PHIP: variants seen among roughly 807,000 people sequenced by gnomAD.
The protein encoded by PHIP is PH-interacting protein.
Under a neutral mutation model 236.8 loss-of-function variants are expected in PHIP, and 54 were observed. The observed-to-expected ratio is 0.23, with a 90% CI of 0.18 to 0.29. The LOEUF (loss-of-function observed/expected upper bound fraction) is 0.29. Ranked by LOEUF, PHIP falls within the 10% of genes least tolerant of loss-of-function variation. The probability of loss-of-function intolerance (pLI) is 1.00; values close to 1 mark genes in which losing one functional copy is unlikely to be tolerated. For missense variants in PHIP, 1,370 were observed against 2,190.8 expected (o/e 0.63, Z 7.48); for synonymous variants, 756 against 718.9 (o/e 1.05, Z -0.83).
At chr6:78,947,598 A>T in intron 36 of PHIP, 25 bp downstream of exon 36, 4 of 1,179,524 alleles carry the variant, frequency 3.4e-6, no homozygotes, top group Non-Finnish European at 4.9e-6. Flanking sequence ...ATCTAGTCAT[A>T]AAAGAAAATA....
chr6:79,048,045 T>A (rs1772590905), intron 6 of PHIP, among the ~76,000 whole-genome samples: 1 of 151,774 alleles, frequency 6.6e-6, no homozygotes, highest in Non-Finnish European at 1.5e-5. Flanking sequence ...TGACTGACAG[T>A]CTATTTATAT....
chr6:79,017,451 A>G, intron 11 of PHIP, 32 bp downstream of exon 11: 3 of 1,580,254 alleles, frequency 1.9e-6, no homozygotes, highest in Non-Finnish European at 2.6e-6. Context: ...CACATAAATT[A>G]TACTCATCTA....
In PHIP at chr6:79,078,155, C is replaced by G. The variant is rs1774289999; in HGVS notation, c.-87G>C. 7.4e-7 allele frequency: 1 copy of G among 1,352,470 alleles called. No individual in the cohort carries two copies. Among genetic ancestry groups the G allele is most frequent in the Non-Finnish European group, 1.0e-6 (1 of 967,114 alleles). 83.8% of individuals were successfully genotyped at this position (1,352,470 alleles called of 1,614,324 possible). A position where few individuals can be genotyped will look rare whatever the true frequency, so the allele number is the denominator to read the frequency against. On this transcript the variant is annotated 5_prime_UTR_variant, in exon 1 of 40. Transcript: ENST00000275034. ...GTGCCGCCGCCTGCCCTATAGCTGTCAGTGTGTGTTCACGAGCCGAGCTTC... is the reference window on the plus strand; with the variant it reads ...GTGCCGCCGCCTGCCCTATAGCTGTGAGTGTGTGTTCACGAGCCGAGCTTC...
rs754726387 is a variant in PHIP at position 78,941,262 on chromosome 6, T to C, written c.4897A>G (p.Lys1633Glu). The part of the protein sequence containing the change: ...QVNGHGGQPS[K>E]LVKRGPGRKP... The stretch of plus-strand genomic sequence containing the variant: ...CTTCCAGGTCCCCTCTTCACAAGTT[T>C]TGATGGCTGTCCTCCATGGCCATTT... The change falls in exon 40 of 40, where the codon AAA becomes GAA. Residue 1633 changes from lysine to glutamate, a missense_variant. Physicochemically the swap from Lys to Glu is moderately conservative, Grantham distance 56. Around this residue, in one of 14 missense-constraint regions of PHIP, gnomAD observed 309 missense variants for 328.3 expected, o/e 0.94. Coordinates refer to ENST00000275034, the MANE Select transcript of PHIP (RefSeq NM_017934.7). The C allele has an allele frequency of 1.2e-6, 2 of 1,613,728 alleles. No homozygotes were observed. Among genetic ancestry groups the C allele is most frequent in the East Asian group, 4.5e-5 (2 of 44,864 alleles).
intron 6 of PHIP, among the ~76,000 whole-genome samples, chr6:79,047,794 C>T (rs564587013): frequency 6.6e-6 from 1 of 152,186 alleles, no homozygotes; most frequent in South Asian, 2.1e-4. Context: ...CAATAAACAT[C>T]TACTTACATT....
chr6:79,031,056 G>A (rs1056268306), intron 7 of PHIP, among the ~76,000 whole-genome samples: 2 of 152,012 alleles, frequency 1.3e-5, no homozygotes, highest in Non-Finnish European at 2.9e-5. Flanking sequence ...AGATTCTCCT[G>A]CCTCAGCCTC....
rs776965060 is a variant in PHIP, at chr6:79,025,645, ATCTT to A, written c.823-30_823-27del. ...CTGAAAAGACAATCACAGAAAAAAA[ATCTT>A]TACAAGAGTGACACAGTCAAAATAA... On this transcript the variant is annotated intron_variant, in intron 8 of 39. Transcript: ENST00000275034. 6.3e-6 allele frequency: 9 copies of A among 1,422,566 alleles called. No homozygotes were observed. The African/African-American group carries it at 1.1e-4, about 18-fold the overall frequency. The allele number at this position is 1,422,566 out of a possible 1,614,324, so 88.1% of individuals were successfully genotyped here. A position where few individuals can be genotyped will look rare whatever the true frequency, so the allele number is the denominator to read the frequency against.
chr6:79,056,501 A>G (rs1773080744), intron 6 of PHIP, among the ~76,000 whole-genome samples: 1 of 152,162 alleles, frequency 6.6e-6, no homozygotes, highest in South Asian at 2.1e-4. Flanking sequence ...ACATGGTAAT[A>G]TGTGCACTTC....
At chr6:78,984,871 G>A (rs548536118) in intron 22 of PHIP, among the ~76,000 whole-genome samples, 1 of 152,238 alleles carries the variant, frequency 6.6e-6, no homozygotes, top group East Asian at 1.9e-4. Flanking sequence ...GTTAGCCAAG[G>A]TCATAAGCTC....
rs1219891015 is a variant in PHIP at position 79,016,548 on chromosome 6, C to A, written c.1231G>T (p.Ala411Ser). 2 of 1,599,152 alleles carry A rather than the reference C, an allele frequency of 1.3e-6. No individual in the cohort carries two copies. The highest frequency in any genetic ancestry group is 2.7e-5 in the African/African-American group (2 of 74,626). ...SILLDMATRP[A>S]GQNLQGIEDK... ...ATTTCAAATTTGACCTCTTACCCTG[C>A]TGGACGAGTAGCCATATCCAACAAA... The change falls in exon 13 of 40, where the codon GCA becomes TCA. Residue 411 changes from alanine (A) to serine (S), a missense_variant. Ala to Ser is a moderately conservative substitution (Grantham distance 99, BLOSUM62 1). Transcript: ENST00000275034.
chr6:78,997,359 A>T, intron 19 of PHIP, 55 bp downstream of exon 19: 3 of 1,492,386 alleles, frequency 2.0e-6, no homozygotes, highest in Non-Finnish European at 2.8e-6. Context: ...AATGCTGTTA[A>T]CTCCAAAATG....
At chr6:79,015,806 CACTG>C (rs1770808649) in intron 13 of PHIP, 23 bp from the exon 14 acceptor site, 1 of 1,581,106 alleles carries the variant, frequency 6.3e-7, no homozygotes, top group Non-Finnish European at 8.6e-7. Context: ...AAGTGTTTTA[CACTG>C]ACTATTAAAA....
rs533980824 is a variant in PHIP, at chr6:78,968,403, C to T, written c.3205+1432G>A. ...ATTTGGCCCTCTGTATTGGCAGATT[C>T]TGCATCAGCAACCAAATGCAGATTG... On this transcript the variant is annotated intron_variant, in intron 27 of 39. Coordinates refer to ENST00000275034, the MANE Select transcript of PHIP (RefSeq NM_017934.7). 1.6e-4 allele frequency among the ~76,000 whole-genome samples: 24 copies of T among 152,270 alleles called. No homozygotes were observed. The South Asian group carries it at 4.6e-3, about 29-fold the overall frequency.
chr6:78,999,894 G>A (rs562821520), intron 17 of PHIP, among the ~76,000 whole-genome samples: 2 of 152,086 alleles, frequency 1.3e-5, no homozygotes, highest in African/African-American at 4.8e-5. Context: ...AAGTTCAAAT[G>A]TCTTATACTT....
At chr6:78,995,084 T>C (rs1470606738) in intron 19 of PHIP, among the ~76,000 whole-genome samples, 5 of 152,216 alleles carry the variant, frequency 3.3e-5, no homozygotes, top group African/African-American at 4.8e-5. Context: ...TCCATTCCTA[T>C]ACCCTTGTCA....
chr6:78,977,677 G>A (rs71565021), intron 24 of PHIP, among the ~76,000 whole-genome samples: 4,918 of 152,214 alleles, frequency 0.032, 116 homozygotes, highest in Non-Finnish European at 0.051. Context: ...TGGCCATGTT[G>A]AAATAATGTA....
intron 7 of PHIP, 47 bp from the exon 8 acceptor site, chr6:79,026,211 A>T (rs1249074055): frequency 7.4e-7 from 1 of 1,356,902 alleles, no homozygotes; most frequent in Admixed American, 1.7e-5. Context: ...ATAAATTTTA[A>T]TTCAAAATCT....
rs1003212706 is a variant in PHIP, at chr6:78,975,656, G to A, written c.2889+2936C>T. Among the ~76,000 whole-genome samples, 15 of 152,250 alleles carry A rather than the reference G, an allele frequency of 9.9e-5. No homozygotes were observed. In the South Asian group the frequency reaches 2.9e-3, roughly 29 times the overall value. On this transcript the variant is annotated intron_variant, in intron 24 of 39. Transcript: ENST00000275034. ...TCTCAGCCCAAAATCTCCTTAAGCT[G>A]ATAAGCAACTTCAGCAAAGTCTCAG... is the stretch of plus-strand genomic sequence containing the variant.
chr6:79,065,055 T>C (rs1015677488), intron 4 of PHIP, among the ~76,000 whole-genome samples: 3 of 152,132 alleles, frequency 2.0e-5, no homozygotes, highest in African/African-American at 7.2e-5. Context: ...CCTTCCTCCT[T>C]CCCATCATAT....
Sources: gnomAD v4.1 joint callset for allele counts (sites outside exome capture counted in the v4.1 genomes callset) on GRCh38, gnomAD v4.1.1 for gene constraint, gnomAD v4.1.1 regional missense constraint, MANE v1.5 for transcripts, NCBI Gene and HGNC (gene_info 2026-07-23, HGNC 2026-07-21) for gene names.